The following SLC41A2 variants were observed in gnomAD, a reference collection of about 807,000 sequenced individuals.
SLC41A2 encodes the protein SLC41A1-like 1.
In SLC41A2, 32 loss-of-function variants were observed where a neutral mutation model predicts 58.3. That is an observed-to-expected ratio of 0.55 (90% CI 0.41 to 0.74). SLC41A2 has a LOEUF of 0.74. SLC41A2 is among the 30% of genes least tolerant of loss of function. SLC41A2 has a pLI of 0.00. For missense variants in SLC41A2, 514 were observed against 680.6 expected, an observed-to-expected ratio of 0.76 and a Z score of 2.72; for synonymous variants, 190 against 235.0, an observed-to-expected ratio of 0.81 and a Z score of 1.75.
At chr12:104,909,587 A>G in intron 3 of SLC41A2, 68 bp downstream of exon 3, 1 of 1,084,656 alleles carries the variant, frequency 9.2e-7, no homozygotes, top group South Asian at 1.4e-5. Flanking sequence ...TTTTCCTGAT[A>G]CAAGTTCCCC....
intron 10 of SLC41A2, among the ~76,000 whole-genome samples, chr12:104,820,697 A>G (rs1453892060): frequency 1.3e-5 from 2 of 151,966 alleles, no homozygotes; most frequent in African/African-American, 2.4e-5. Flanking sequence ...GCTGGAGTGC[A>G]ATGGTGCGAT....
At chr12:104,941,639 A>G (rs928776451) in intron 1 of SLC41A2, among the ~76,000 whole-genome samples, 21 of 152,250 alleles carry the variant, frequency 1.4e-4, no homozygotes, top group African/African-American at 4.6e-4. Context: ...TAAATATGCT[A>G]TGTGTCCAAA....
rs185558352 is a variant in SLC41A2, at chr12:104,856,955, T to C, written c.1255+4336A>G. On this transcript the variant is annotated intron_variant, in intron 8 of 10. Coordinates refer to ENST00000258538, the MANE Select transcript of SLC41A2 (RefSeq NM_001352171.3). ...AGAGTGCTGGAAATATAACTTTATA[T>C]GATAAAATCTAAAAGATATATTTTT... 1.6e-4 allele frequency among the ~76,000 whole-genome samples: 25 copies of C among 152,288 alleles called. No homozygotes were observed. The East Asian group carries it at 4.4e-3, about 27-fold the overall frequency.
chr12:104,814,190 GC>G (rs1190608416), intron 10 of SLC41A2, among the ~76,000 whole-genome samples: 4 of 152,096 alleles, frequency 2.6e-5, no homozygotes, highest in African/African-American at 7.2e-5. Context: ...GATCACTTGA[GC>G]CCAGGAGTTT....
chr12:104,871,575 G>A (rs927910389), intron 6 of SLC41A2, among the ~76,000 whole-genome samples: 1 of 152,034 alleles, frequency 6.6e-6, no homozygotes, highest in Non-Finnish European at 1.5e-5. Context: ...TTTTTCTATA[G>A]TGGTACTAAT....
rs2040729177 is a variant in SLC41A2, at chr12:104,802,229, G to A, written c.*2923C>T. Among the ~76,000 whole-genome samples, 1 of 152,134 alleles carries A rather than the reference G, an allele frequency of 6.6e-6. No individual in the cohort carries two copies. The highest frequency in any genetic ancestry group is 1.5e-5 in the Non-Finnish European group (1 of 68,028). ...AAATGTTTCTAAAAGTGTTATCTGTGTATAAATAAAGTGGCTGATAAATTA... is the reference window on the plus strand; with the variant it reads ...AAATGTTTCTAAAAGTGTTATCTGTATATAAATAAAGTGGCTGATAAATTA... On this transcript the variant is annotated 3_prime_UTR_variant, in exon 11 of 11. Coordinates refer to ENST00000258538, the MANE Select transcript of SLC41A2 (RefSeq NM_001352171.3).
intron 4 of SLC41A2, among the ~76,000 whole-genome samples, chr12:104,891,015 A>G (rs1189771404): frequency 6.6e-6 from 1 of 152,100 alleles, no homozygotes; most frequent in Non-Finnish European, 1.5e-5. Flanking sequence ...CACACTCATC[A>G]TCTACTCTTT....
intron 10 of SLC41A2, among the ~76,000 whole-genome samples, chr12:104,809,315 C>T (rs987230095): frequency 1.3e-5 from 2 of 152,208 alleles, no homozygotes; most frequent in East Asian, 1.9e-4. Context: ...GCAAGTAGGC[C>T]GTGGGTGTGA....
At chr12:104,942,188 T>G (rs1304713327) in intron 1 of SLC41A2, among the ~76,000 whole-genome samples, 1 of 152,130 alleles carries the variant, frequency 6.6e-6, no homozygotes, top group Non-Finnish European at 1.5e-5. Flanking sequence ...TCTCTTACAA[T>G]TGACATGTGG....
rs372897197 is a variant in SLC41A2, at chr12:104,810,894, C to T, written c.1537-5557G>A. 1.4e-4 allele frequency among the ~76,000 whole-genome samples: 22 copies of T among 152,328 alleles called. No homozygotes were observed. The South Asian group carries it at 1.7e-3, about 11-fold the overall frequency. On this transcript the variant is annotated intron_variant, in intron 10 of 10. Coordinates refer to ENST00000258538, the MANE Select transcript of SLC41A2 (RefSeq NM_001352171.3). ...AGTCCAACACTAAAGCCCATGCTCT[C>T]AACCATCACTACAGTACCTTGTTTT...
intron 10 of SLC41A2, among the ~76,000 whole-genome samples, chr12:104,824,061 A>T (rs2041745641): frequency 1.3e-5 from 2 of 152,146 alleles, no homozygotes; most frequent in East Asian, 1.9e-4. Context: ...GATACGGAAG[A>T]GGTGAAGGGA....
intron 2 of SLC41A2, among the ~76,000 whole-genome samples, chr12:104,916,198 C>A (rs563727720): frequency 6.6e-6 from 1 of 152,242 alleles, no homozygotes; most frequent in Non-Finnish European, 1.5e-5. Flanking sequence ...ATTTTTGCAT[C>A]AATGTTCATC....
intron 10 of SLC41A2, among the ~76,000 whole-genome samples, chr12:104,831,963 A>C (rs147971554): frequency 5.5e-4 from 84 of 152,314 alleles, no homozygotes; most frequent in Non-Finnish European, 1.0e-3. Flanking sequence ...GGGTGCTGAA[A>C]CTTCAGTGAT....
At chr12:104,857,840 G>A (rs1177669286) in intron 8 of SLC41A2, among the ~76,000 whole-genome samples, 5 of 115,240 alleles carry the variant, frequency 4.3e-5, no homozygotes, top group African/African-American at 1.3e-4. Flanking sequence ...ATCACACACC[G>A]AGGCCTGTTG....
At chr12:104,809,527 G>GTGTT (rs745922841) in intron 10 of SLC41A2, among the ~76,000 whole-genome samples, 1 of 152,164 alleles carries the variant, frequency 6.6e-6, no homozygotes, top group Non-Finnish European at 1.5e-5. Flanking sequence ...TTCTTCATTA[G>GTGTT]TGTTTCACTG....
chr12:104,933,682 CACACACAT>C (rs2047153937), intron 1 of SLC41A2, among the ~76,000 whole-genome samples: 2 of 149,708 alleles, frequency 1.3e-5, no homozygotes, highest in Admixed American at 6.6e-5. Flanking sequence ...TAAATACACA[CACACACAT>C]ACACACACAC....
chr12:104,892,742 TATAC>T (rs2045078635), intron 4 of SLC41A2, among the ~76,000 whole-genome samples: 1 of 152,104 alleles, frequency 6.6e-6, no homozygotes, highest in African/African-American at 2.4e-5. Context: ...GTGCCAAGAA[TATAC>T]ACTGAGGAAA....
intron 1 of SLC41A2, among the ~76,000 whole-genome samples, chr12:104,944,353 AC>A (rs1445229654): frequency 4.0e-4 from 61 of 152,302 alleles, no homozygotes; most frequent in African/African-American, 1.2e-3. Flanking sequence ...CCTTACTGGG[AC>A]ACCTTCGTAA....
intron 10 of SLC41A2, chr12:104,833,973 C>T (rs1368112344): frequency 1.0e-6 from 1 of 969,324 alleles, no homozygotes; most frequent in African/African-American, 1.8e-5. Flanking sequence ...GGATTCAGAG[C>T]ACAGGAAGCA....
Sources: gnomAD v4.1 joint callset for allele counts (sites outside exome capture counted in the v4.1 genomes callset) on GRCh38, gnomAD v4.1.1 for gene constraint, MANE v1.5 for transcripts, NCBI Gene and HGNC (gene_info 2026-07-23, HGNC 2026-07-21) for gene names.